The following ATP1A3 variants were observed in gnomAD, a reference collection of about 807,000 sequenced individuals.
ATP1A3 encodes the protein sodium/potassium-transporting ATPase subunit alpha-3.
ATP1A3 carries 12 observed loss-of-function variants against 108.8 expected under a neutral mutation model. The ratio of observed to expected loss-of-function variants is 0.11; its 90% CI spans 0.07 to 0.18. The LOEUF (loss-of-function observed/expected upper bound fraction) is 0.18. Ranked by LOEUF, ATP1A3 falls within the 10% of genes least tolerant of loss-of-function variation. ATP1A3 has a pLI of 1.00. For synonymous variants in ATP1A3, 539 were observed against 564.5 expected, an observed-to-expected ratio of 0.95 and a Z score of 0.64; for missense variants, 498 against 1,387.7, an observed-to-expected ratio of 0.36 and a Z score of 10.19.
chr19:41,985,762 G>A lies in ATP1A3; in HGVS notation c.606+102C>T, dbSNP rs555264452. Reference sequence around the variant, plus strand: ...CTGGACTCCTGGGTCTGAGGGAGGAGGGGTTGGGACCTGGACTCCTGAGTG... The same window carrying A: ...CTGGACTCCTGGGTCTGAGGGAGGAAGGGTTGGGACCTGGACTCCTGAGTG... On this transcript the variant is annotated intron_variant, in intron 6 of 22. Coordinates refer to ENST00000648268, the MANE Select transcript of ATP1A3 (RefSeq NM_152296.5). The surrounding 1 kb of genome is among the most constrained non-coding windows in gnomAD (Gnocchi z 8.2). 5.1e-5 allele frequency: 78 copies of A among 1,537,872 alleles called. No homozygotes were observed. The Middle Eastern group carries it at 2.8e-3, about 56-fold the overall frequency.
chr19:41,984,045 G>GTGGC (rs2075262570), intron 8 of ATP1A3, among the ~76,000 whole-genome samples: 1 of 151,958 alleles, frequency 6.6e-6, no homozygotes, highest in African/African-American at 2.4e-5. Flanking sequence ...AAAGTCTTGG[G>GTGGC]ACTACAGGCA....
chr19:41,977,740 T>G (rs1457059351), intron 14 of ATP1A3, among the ~76,000 whole-genome samples, 196 bp downstream of exon 14: 2 of 152,174 alleles, frequency 1.3e-5, no homozygotes, highest in Non-Finnish European at 2.9e-5. Flanking sequence ...AAGGCTGGGA[T>G]GCAAACCTAT....
chr19:41,975,895 A>C, intron 15 of ATP1A3, 98 bp from the exon 16 acceptor site: 1 of 1,524,858 alleles, frequency 6.6e-7, no homozygotes, highest in Admixed American at 1.7e-5. Context: ...CTCCTCCTTC[A>C]GACCTAGAAG....
chr19:41,971,694 T>C (rs1156360426), intron 16 of ATP1A3, among the ~76,000 whole-genome samples: 1 of 152,140 alleles, frequency 6.6e-6, no homozygotes, highest in East Asian at 1.9e-4. Context: ...CACCCGTCTC[T>C]GGGCTAAAAG....
chr19:41,969,888 T>C (rs1037753603), intron 18 of ATP1A3, among the ~76,000 whole-genome samples: 7 of 152,112 alleles, frequency 4.6e-5, no homozygotes, highest in African/African-American at 1.7e-4. Flanking sequence ...CAGCTTGAGC[T>C]CCCTACGCAG....
At chr19:41,969,053 C>G in intron 19 of ATP1A3, 138 bp from the exon 20 acceptor site, 6 of 1,318,740 alleles carry the variant, frequency 4.5e-6, no homozygotes, top group Non-Finnish European at 6.4e-6. Context: ...CTTCCTTCTG[C>G]GGGCTCATAG....
At chr19:41,993,744 C>T (rs1372069038) in intron 1 of ATP1A3, 4 of 602,852 alleles carry the variant, frequency 6.6e-6, no homozygotes, top group Non-Finnish European at 1.2e-5. Flanking sequence ...CACACACTCG[C>T]TGCCAGGGCC....
At position 41,967,429 on chromosome 19, in the gene ATP1A3, C is replaced by G; in HGVS notation, c.2922-89G>C. On this transcript the variant is annotated intron_variant, in intron 21 of 22. Coordinates refer to ENST00000648268, the MANE Select transcript of ATP1A3 (RefSeq NM_152296.5). The surrounding 1 kb of genome is among the most constrained non-coding windows in gnomAD (Gnocchi z 4.2). ...ACTGGAGGGGACGCAGAGGGGCAGT[C>G]TCCCAGGATCCTTCGTGCTCACAGG... 2 of 1,440,026 alleles carry G rather than the reference C, an allele frequency of 1.4e-6. No individual in the cohort carries two copies. The highest frequency in any genetic ancestry group is 1.9e-6 in the Non-Finnish European group (2 of 1,052,490). The allele number at this position is 1,440,026 out of a possible 1,614,324, so 89.2% of individuals were successfully genotyped here.
chr19:41,987,191 GTC>G (rs2075294954), intron 4 of ATP1A3, among the ~76,000 whole-genome samples: 1 of 152,088 alleles, frequency 6.6e-6, no homozygotes, highest in Non-Finnish European at 1.5e-5. Context: ...GTGGATCTCT[GTC>G]TCTGTGTCTC....
At chr19:41,970,041 C>A (rs531799253) in intron 18 of ATP1A3, 144 bp downstream of exon 18, 10 of 1,357,140 alleles carry the variant, frequency 7.4e-6, no homozygotes, top group East Asian at 7.0e-5. Context: ...GGGTGCAGAC[C>A]CCCCCCACAG....
chr19:41,993,185 CTTCAG>C, intron 1 of ATP1A3: 1 of 474,310 alleles, frequency 2.1e-6, no homozygotes, highest in Non-Finnish European at 3.9e-6. Context: ...TTCCCCCTCC[CTTCAG>C]CCCCGCCCCA....
intron 16 of ATP1A3, among the ~76,000 whole-genome samples, chr19:41,971,053 T>G (rs571102995): frequency 1.6e-3 from 240 of 151,882 alleles, no homozygotes; most frequent in African/African-American, 5.7e-3. Context: ...CAACCTCGAC[T>G]CCCAGGCTCA....
chr19:41,970,059 A>C (rs2145947134), intron 18 of ATP1A3, 126 bp downstream of exon 18: 1 of 1,486,972 alleles, frequency 6.7e-7, no homozygotes. Flanking sequence ...CAGATAGCTC[A>C]CTGGTTGGTC....
chr19:41,992,347 G>A lies in ATP1A3; in HGVS notation c.6+1724C>T, dbSNP rs550851818. Among the ~76,000 whole-genome samples the A allele has an allele frequency of 1.6e-4, 25 of 152,266 alleles. No homozygotes were observed. In the East Asian group the frequency reaches 4.3e-3, roughly 26 times the overall value. ...CAGGAGGCCCAGATGGGCGCGCTGC[G>A]GGGTGGGAGCACCTCCAAGGGTGGG... is the stretch of plus-strand genomic sequence containing the variant. On this transcript the variant is annotated intron_variant, in intron 1 of 22. Transcript: ENST00000648268.
In ATP1A3 at chr19:41,978,918, C is replaced by A. The variant is rs921548856; in HGVS notation, c.1438-120G>T. 4 of 826,408 alleles carry A rather than the reference C, an allele frequency of 4.8e-6. No homozygotes were observed. The highest frequency in any genetic ancestry group is 3.3e-5 in the South Asian group (2 of 61,454). The allele number at this position is 826,408 out of a possible 1,614,324, so 51.2% of individuals were successfully genotyped here. A position where few individuals can be genotyped will look rare whatever the true frequency, so the allele number is the denominator to read the frequency against. On this transcript the variant is annotated intron_variant, in intron 11 of 22. Coordinates refer to ENST00000648268, the MANE Select transcript of ATP1A3 (RefSeq NM_152296.5). The surrounding 1 kb of genome is among the most constrained non-coding windows in gnomAD (Gnocchi z 8.3). ...GGATAGGCCCACACCAGGGCTCCCC[C>A]ACACTCTCTCACAGAGACCTCTGCT...
At chr19:41,993,516 CA>C in intron 1 of ATP1A3, 1 of 1,170,668 alleles carries the variant, frequency 8.5e-7, no homozygotes, top group South Asian at 1.5e-5. Flanking sequence ...CACACACACA[CA>C]CACACACACA....
In ATP1A3 at chr19:41,981,415, G is replaced by T. The variant is rs567402275; in HGVS notation, c.1437+87C>A. 34 of 1,597,236 alleles carry T rather than the reference G, an allele frequency of 2.1e-5. No individual in the cohort carries two copies. In the Admixed American group the frequency reaches 5.2e-4, roughly 24 times the overall value. On this transcript the variant is annotated intron_variant, in intron 11 of 22. Transcript: ENST00000648268. This position sits in a 1 kb window ranked among gnomAD's most constrained non-coding sequence, Gnocchi z 5.0. ...GTATTATCATTCCCATTTTACAGAC[G>T]GGAAAATCAAGGCTCTATGACACCT...
chr19:41,981,004 T>C lies in ATP1A3; in HGVS notation c.1437+498A>G, dbSNP rs1191800631. On this transcript the variant is annotated intron_variant, in intron 11 of 22. Coordinates refer to ENST00000648268, the MANE Select transcript of ATP1A3 (RefSeq NM_152296.5). The surrounding 1 kb of genome is among the most constrained non-coding windows in gnomAD (Gnocchi z 5.0). ...CCACTCTCTGCTGTAGGAAAACTTT[T>C]TTTTTTTTTTTGAGTCAGGGTCTTG... 6.6e-6 allele frequency among the ~76,000 whole-genome samples: 1 copy of C among 151,238 alleles called. No homozygotes were observed. Among genetic ancestry groups the C allele is most frequent in the Non-Finnish European group, 1.5e-5 (1 of 67,808 alleles).
chr19:41,972,495 G>A (rs940260136), intron 16 of ATP1A3, among the ~76,000 whole-genome samples: 25 of 151,986 alleles, frequency 1.6e-4, no homozygotes, highest in African/African-American at 5.3e-4. Flanking sequence ...AGGCGGGCAC[G>A]GTGGCAAACA....
Sources: gnomAD v4.1 joint callset for allele counts (sites outside exome capture counted in the v4.1 genomes callset) on GRCh38, gnomAD v4.1.1 for gene constraint, Gnocchi (gnomAD v3.1) non-coding constraint, MANE v1.5 for transcripts, NCBI Gene and HGNC (gene_info 2026-07-23, HGNC 2026-07-21) for gene names.